The following PPP1R9A variants were observed in gnomAD, a reference collection of about 807,000 sequenced individuals.
PPP1R9A encodes the protein neurabin-1.
A neutral mutation model predicts 141.9 loss-of-function variants in PPP1R9A; 59 were observed. The ratio of observed to expected loss-of-function variants is 0.42; its 90% CI spans 0.34 to 0.52. The LOEUF (loss-of-function observed/expected upper bound fraction) is 0.52, where lower values mean the gene tolerates loss of function less well. Among genes scored for constraint, PPP1R9A ranks in the 20% least tolerant of loss-of-function variants. PPP1R9A has a pLI of 0.10. For missense variants in PPP1R9A, 1,444 were observed against 1,611.9 expected (o/e 0.90, Z 1.78); for synonymous variants, 500 against 569.7 (o/e 0.88, Z 1.74).
At chr7:95,171,965 T>C (rs1271337346) in intron 5 of PPP1R9A, among the ~76,000 whole-genome samples, 1 of 151,576 alleles carries the variant, frequency 6.6e-6, no homozygotes, top group Non-Finnish European at 1.5e-5. Context: ...GAATGTATGG[T>C]TGATTTAATG....
intron 2 of PPP1R9A, among the ~76,000 whole-genome samples, chr7:94,986,816 T>C (rs1417075110): frequency 6.6e-6 from 1 of 152,254 alleles, no homozygotes; most frequent in African/African-American, 2.4e-5. Flanking sequence ...CTATATACTT[T>C]TAAAAAGCTG....
intron 2 of PPP1R9A, among the ~76,000 whole-genome samples, chr7:95,097,332 G>A (rs554244904): frequency 6.6e-6 from 1 of 152,110 alleles, no homozygotes; most frequent in Non-Finnish European, 1.5e-5. Context: ...AGCCTCATAA[G>A]GTATTTTCAA....
Position 95,288,706 on chromosome 7 carries a change from A to C in PPP1R9A, c.3900A>C (p.Gly1300=). ...GAGAACAGCTCCTGCAGTTGGATGG[A>C]AATAAACTTAAGGTAAAGAATTATA... ...ITGEQLLQLD[G]NKLKALGMTA... The change falls in exon 19 of 20, where the codon GGA becomes GGC. Residue 1300 remains glycine, a synonymous_variant. Transcript: ENST00000433360. 6.2e-7 allele frequency: 1 copy of C among 1,613,868 alleles called. No homozygotes were observed. The highest frequency in any genetic ancestry group is 8.5e-7 in the Non-Finnish European group (1 of 1,179,906).
intron 16 of PPP1R9A, among the ~76,000 whole-genome samples, chr7:95,281,073 G>A (rs1050363689): frequency 7.2e-5 from 11 of 152,194 alleles, no homozygotes; most frequent in East Asian, 3.9e-4. Context: ...CAAAAATTTC[G>A]TTTTTTAAAT....
chr7:95,046,036 A>AT (rs1351710000), intron 2 of PPP1R9A, among the ~76,000 whole-genome samples: 2 of 151,308 alleles, frequency 1.3e-5, no homozygotes, highest in Non-Finnish European at 3.0e-5. Context: ...CTTTTGTATA[A>AT]TTATCAGTGT....
At chr7:95,093,461 A>G (rs1166325380) in intron 2 of PPP1R9A, among the ~76,000 whole-genome samples, 3 of 152,238 alleles carry the variant, frequency 2.0e-5, no homozygotes, top group Non-Finnish European at 4.4e-5. Flanking sequence ...CCACAACAGT[A>G]AAGCTAATTA....
intron 16 of PPP1R9A, among the ~76,000 whole-genome samples, chr7:95,278,855 T>G (rs1306593948): frequency 2.0e-5 from 3 of 152,150 alleles, no homozygotes; most frequent in African/African-American, 4.8e-5. Flanking sequence ...TGCCACTTAC[T>G]TCTTGGACAG....
intron 2 of PPP1R9A, among the ~76,000 whole-genome samples, chr7:95,016,942 G>A (rs192029576): frequency 6.6e-6 from 1 of 152,066 alleles, no homozygotes; most frequent in Admixed American, 6.6e-5. Flanking sequence ...GTTAAAATGA[G>A]GCCATGCTGA....
intron 4 of PPP1R9A, among the ~76,000 whole-genome samples, chr7:95,145,010 T>C (rs1041169720): frequency 1.3e-5 from 2 of 152,204 alleles, no homozygotes; most frequent in South Asian, 2.1e-4. Flanking sequence ...TAAAATACTT[T>C]GTAATATATT....
At chr7:94,937,085 C>T (rs1475194824) in intron 2 of PPP1R9A, among the ~76,000 whole-genome samples, 3 of 151,996 alleles carry the variant, frequency 2.0e-5, no homozygotes, top group African/African-American at 7.2e-5. Context: ...ATTATTCATC[C>T]TTTCTTTATT....
At chr7:95,051,146 A>G (rs1462614226) in intron 2 of PPP1R9A, among the ~76,000 whole-genome samples, 1 of 151,188 alleles carries the variant, frequency 6.6e-6, no homozygotes, top group Non-Finnish European at 1.5e-5. Flanking sequence ...GGGAAGGGTT[A>G]TGGTCTGTGT....
At chr7:95,031,665 C>T (rs562560834) in intron 2 of PPP1R9A, among the ~76,000 whole-genome samples, 3 of 151,110 alleles carry the variant, frequency 2.0e-5, no homozygotes, top group South Asian at 2.1e-4. Flanking sequence ...CTGAGGCAGA[C>T]GAATCACTTG....
intron 2 of PPP1R9A, among the ~76,000 whole-genome samples, chr7:95,066,189 T>A (rs996534372): frequency 6.6e-6 from 1 of 152,128 alleles, no homozygotes; most frequent in Non-Finnish European, 1.5e-5. Context: ...TACTTAGCGG[T>A]ATTTGCACAG....
chr7:95,048,754 T>A (rs1810385348), intron 2 of PPP1R9A, among the ~76,000 whole-genome samples: 1 of 151,936 alleles, frequency 6.6e-6, no homozygotes, highest in Non-Finnish European at 1.5e-5. Context: ...ACTATGCCGG[T>A]CAGGCTGGTC....
At chr7:95,287,806 C>A (rs979843051) in intron 18 of PPP1R9A, among the ~76,000 whole-genome samples, 1 of 152,160 alleles carries the variant, frequency 6.6e-6, no homozygotes, top group Non-Finnish European at 1.5e-5. Context: ...CTGCCTCAGC[C>A]TCTCGAATAA....
chr7:95,009,759 A>T (rs1453596849), intron 2 of PPP1R9A, among the ~76,000 whole-genome samples: 1 of 152,162 alleles, frequency 6.6e-6, no homozygotes, highest in African/African-American at 2.4e-5. Flanking sequence ...GATGAAGTGA[A>T]TTCTGGTTAC....
In PPP1R9A at chr7:95,290,183, A is replaced by C; in HGVS notation, c.4005A>C (p.Gln1335His). ...CTCTAGAGAAGGCTCGGAAGGCCCA[A>C]GAGAAAATGGAAAAACAAAGAGAAA... is the stretch of plus-strand genomic sequence containing the variant. Reference protein sequence around the residue: ...KMSLEKARKAQEKMEKQREKL... With the variant: ...KMSLEKARKAHEKMEKQREKL... The change falls in exon 20 of 20, where the codon CAA becomes CAC. Residue 1335 changes from glutamine (Q) to histidine (H), a missense_variant. Physicochemically the swap from Gln to His is conservative, Grantham distance 24. Around this residue, in one of 5 missense-constraint regions of PPP1R9A, gnomAD observed 459 missense variants for 513.8 expected, o/e 0.89. Coordinates refer to ENST00000433360, the MANE Select transcript of PPP1R9A (RefSeq NM_001166160.2). 1 of 1,614,060 alleles carries C rather than the reference A, an allele frequency of 6.2e-7. No homozygotes were observed. The highest frequency in any genetic ancestry group is 1.6e-4 in the Middle Eastern group (1 of 6,062).
intron 2 of PPP1R9A, among the ~76,000 whole-genome samples, chr7:95,084,964 G>A (rs917864717): frequency 3.9e-5 from 6 of 151,900 alleles, no homozygotes; most frequent in Non-Finnish European, 7.4e-5. Context: ...TTTTAGGTTC[G>A]TATATGTATC....
rs1208451993 is a variant in PPP1R9A, at chr7:95,045,585, A to T, written c.1396-65674A>T. ...TGCACATGCCCAAGCCTACTTGCCC[A>T]ATTCCTGAGCTGCCAGTTACCAATT... On this transcript the variant is annotated intron_variant, in intron 2 of 19. Transcript: ENST00000433360. Among the ~76,000 whole-genome samples the T allele has an allele frequency of 8.5e-5, 13 of 152,314 alleles. No individual in the cohort carries two copies. In the East Asian group the frequency reaches 2.3e-3, roughly 27 times the overall value.
Sources: gnomAD v4.1 joint callset for allele counts (sites outside exome capture counted in the v4.1 genomes callset) on GRCh38, gnomAD v4.1.1 for gene constraint, gnomAD v4.1.1 regional missense constraint, MANE v1.5 for transcripts, NCBI Gene and HGNC (gene_info 2026-07-23, HGNC 2026-07-21) for gene names.